The following TBC1D8B variants were observed in gnomAD, a reference collection of about 807,000 sequenced individuals.
TBC1D8B encodes the protein RP11-321G1.1.
Under a neutral mutation model 82.9 loss-of-function variants are expected in TBC1D8B, and 75 were observed. The ratio of observed to expected loss-of-function variants is 0.90; its 90% CI spans 0.75 to 1.10. The LOEUF (loss-of-function observed/expected upper bound fraction) is 1.10, where lower values mean the gene tolerates loss of function less well. Among genes scored for constraint, TBC1D8B ranks in the 50% least tolerant of loss-of-function variants. The pLI is 0.00. For synonymous variants in TBC1D8B, 276 were observed against 276.8 expected (o/e 1.00, Z 0.03); for missense variants, 794 against 796.9 (o/e 1.00, Z 0.04).
chrX:106,804,778 A>G (rs751363009), intron 1 of TBC1D8B, among the ~76,000 whole-genome samples: 4 of 110,357 alleles, frequency 3.6e-5, no homozygotes, highest in Non-Finnish European at 7.6e-5. Flanking sequence ...GGCCCCAGCT[A>G]CTTGAGAGAC....
intron 14 of TBC1D8B, among the ~76,000 whole-genome samples, chrX:106,864,619 AGTG>A (rs1165632848): frequency 1.9e-5 from 2 of 105,713 alleles, no homozygotes; most frequent in African/African-American, 7.0e-5. Context: ...CCCGGGTTCA[AGTG>A]ATTCTTGTGC....
At chrX:106,853,171 A>T (rs1932627890) in intron 12 of TBC1D8B, among the ~76,000 whole-genome samples, 1 of 110,833 alleles carries the variant, frequency 9.0e-6, no homozygotes, top group African/African-American at 3.3e-5. Context: ...TAGGTATTTT[A>T]TTCTCTTTGA....
chrX:106,823,073 A>G (rs1931740884), intron 4 of TBC1D8B, among the ~76,000 whole-genome samples, 153 bp from the exon 5 acceptor site: 1 of 111,911 alleles, frequency 8.9e-6, no homozygotes, highest in Non-Finnish European at 1.9e-5. Flanking sequence ...GTTCATGTTG[A>G]TGCTTCAAAT....
intron 5 of TBC1D8B, among the ~76,000 whole-genome samples, chrX:106,824,692 G>A (rs962014726): frequency 3.6e-5 from 4 of 110,791 alleles, no homozygotes; most frequent in Non-Finnish European, 7.6e-5. Context: ...TCACCAAATC[G>A]GTATTTAATT....
At chrX:106,863,152 C>T (rs1932790923) in intron 14 of TBC1D8B, among the ~76,000 whole-genome samples, 1 of 112,134 alleles carries the variant, frequency 8.9e-6, no homozygotes, top group Non-Finnish European at 1.9e-5. Flanking sequence ...AGGCTGGGTG[C>T]TCGTAGGAGC....
At chrX:106,833,117 C>T (rs959881662) in intron 7 of TBC1D8B, among the ~76,000 whole-genome samples, 1 of 110,965 alleles carries the variant, frequency 9.0e-6, no homozygotes, top group Non-Finnish European at 1.9e-5. Flanking sequence ...CCCAAACCAC[C>T]ATTTATTATA....
At chrX:106,854,377 C>T (rs1318046211) in intron 14 of TBC1D8B, 81 bp downstream of exon 14, 13 of 596,801 alleles carry the variant, frequency 2.2e-5, no homozygotes, top group Non-Finnish European at 2.7e-5. Flanking sequence ...ATCTTCTGGG[C>T]GAATAAAATG....
chrX:106,840,779 C>A lies in TBC1D8B; in HGVS notation c.1614C>A (p.Arg538=). Residue 538 remains arginine, a synonymous_variant, in exon 10 of 21, where the codon CGC becomes CGA. Transcript: ENST00000357242. ...ATEEIERDLR[R]SLPEHPAFQS... ...AAGAAATTGAACGTGATTTACGTCGCTCTCTGCCTGAGCACCCAGCCTTTC... is the reference window on the plus strand; with the variant it reads ...AAGAAATTGAACGTGATTTACGTCGATCTCTGCCTGAGCACCCAGCCTTTC... 1 of 1,211,228 alleles carries A rather than the reference C, an allele frequency of 8.3e-7. No individual in the cohort carries two copies. Among genetic ancestry groups the A allele is most frequent in the South Asian group, 1.8e-5 (1 of 56,967 alleles).
At chrX:106,805,072 C>CTTTTTCTTT (rs1931146553) in intron 1 of TBC1D8B, among the ~76,000 whole-genome samples, 1 of 54,579 alleles carries the variant, frequency 1.8e-5, no homozygotes, top group Non-Finnish European at 3.0e-5. Flanking sequence ...TGCAAGTTTC[C>CTTTTTCTTT]TTTTTTTTTT....
chrX:106,851,591 T>C (rs916433264), intron 12 of TBC1D8B, among the ~76,000 whole-genome samples: 1 of 107,082 alleles, frequency 9.3e-6, no homozygotes, highest in African/African-American at 3.4e-5. Context: ...CAGTCCCCAG[T>C]GTGTGATGTT....
intron 1 of TBC1D8B, among the ~76,000 whole-genome samples, chrX:106,809,907 C>CA (rs1320839475): frequency 2.0e-5 from 2 of 101,293 alleles, no homozygotes; most frequent in East Asian, 6.1e-4. Context: ...AAAAAAAAGA[C>CA]AGAAATAGTT....
At chrX:106,849,158 T>C (rs1932529379) in intron 11 of TBC1D8B, 1 of 863,256 alleles carries the variant, frequency 1.2e-6, no homozygotes, top group Non-Finnish European at 1.6e-6. Flanking sequence ...TGTACCGTAA[T>C]AGGCTTTCAG....
chrX:106,847,252 A>AT, intron 10 of TBC1D8B, among the ~76,000 whole-genome samples: 1 of 111,683 alleles, frequency 9.0e-6, no homozygotes, highest in South Asian at 3.7e-4. Context: ...TCCACCTTAG[A>AT]TTTTTTTAGT....
intron 12 of TBC1D8B, among the ~76,000 whole-genome samples, chrX:106,851,488 A>G (rs1388475220): frequency 9.0e-6 from 1 of 111,684 alleles, no homozygotes. Flanking sequence ...ATATGTATAC[A>G]TGTGCCATGT....
intron 12 of TBC1D8B, among the ~76,000 whole-genome samples, chrX:106,851,052 C>A (rs1932574745): frequency 9.0e-6 from 1 of 111,714 alleles, no homozygotes; most frequent in Non-Finnish European, 1.9e-5. Context: ...CTACACTATC[C>A]CATTTCCCTC....
chrX:106,843,322 T>G (rs2147754865), intron 10 of TBC1D8B, among the ~76,000 whole-genome samples: 1 of 111,764 alleles, frequency 8.9e-6, no homozygotes, highest in South Asian at 3.7e-4. Context: ...TGTATGAGGG[T>G]TCTATTTTTT....
At chrX:106,817,909 A>G (rs1357372605) in intron 1 of TBC1D8B, among the ~76,000 whole-genome samples, 1 of 110,564 alleles carries the variant, frequency 9.0e-6, no homozygotes, top group African/African-American at 3.3e-5. Flanking sequence ...CAAAGACCCT[A>G]TGGGAGAAAT....
intron 5 of TBC1D8B, among the ~76,000 whole-genome samples, chrX:106,824,089 ATG>A (rs1336756205): frequency 4.5e-5 from 5 of 111,603 alleles, no homozygotes; most frequent in Admixed American, 3.8e-4. Flanking sequence ...CTTCAGAAGT[ATG>A]TGTCTGATAG....
chrX:106,873,685 A>G lies in TBC1D8B; in HGVS notation c.3083A>G (p.Glu1028Gly), dbSNP rs144358556. 239 of 1,210,223 alleles carry G rather than the reference A, an allele frequency of 2.0e-4. No individual in the cohort carries two copies. The Admixed American group carries it at 2.7e-3, about 14-fold the overall frequency. ...ACCAGCCTTTTACTCAGGATGGAAGAAGTTGGAAGGAAACTACATAGCCCT... is the reference window on the plus strand; with the variant it reads ...ACCAGCCTTTTACTCAGGATGGAAGGAGTTGGAAGGAAACTACATAGCCCT... ...VVTSLLLRME[E>G]VGRKLHSPTS... is the part of the protein sequence containing the mutation. The change falls in exon 21 of 21, where the codon GAA becomes GGA. Residue 1028 changes from glutamate to glycine, a missense_variant. Coordinates refer to ENST00000357242, the MANE Select transcript of TBC1D8B (RefSeq NM_017752.3).
Sources: allele counts gnomAD v4.1 joint callset (sites outside exome capture counted in the v4.1 genomes callset), GRCh38; gene constraint gnomAD v4.1.1; transcripts MANE v1.5; gene names NCBI Gene and HGNC (gene_info 2026-07-23, HGNC 2026-07-21).